FA2H: variants seen among roughly 807,000 people sequenced by gnomAD.
FA2H encodes fatty acid alpha-hydroxylase.
A neutral mutation model predicts 44.9 loss-of-function variants in FA2H; 22 were observed. That is an observed-to-expected ratio of 0.49 (90% CI 0.35 to 0.70). FA2H has a LOEUF of 0.70. Ranked by LOEUF, FA2H falls within the 30% of genes least tolerant of loss-of-function variation. The probability of loss-of-function intolerance (pLI) is 0.01; values close to 1 mark genes in which losing one functional copy is unlikely to be tolerated. For missense variants in FA2H, 501 were observed against 504.9 expected (o/e 0.99, Z 0.07); for synonymous variants, 243 against 213.2 (o/e 1.14, Z -1.22).
intron 2 of FA2H, among the ~76,000 whole-genome samples, chr16:74,729,004 ATTTTTTTTTTT>A (rs35360701): frequency 2.6e-5 from 1 of 38,992 alleles, no homozygotes; most frequent in East Asian, 5.7e-4. Context: ...GATGGTCTTG[ATTTTTTTTTTT>A]TTTTTTTTTT....
chr16:74,718,979 C>G lies in FA2H; in HGVS notation c.786+9G>C. On this transcript the variant is annotated intron_variant, in intron 5 of 6. Transcript: ENST00000219368. ...TGCTAGGTCCGGGCTGGGACCCCGC[C>G]CCGCTCACCTTGTGGTGCTGGCCGT... 1 of 1,613,284 alleles carries G rather than the reference C, an allele frequency of 6.2e-7. No individual in the cohort carries two copies. The highest frequency in any genetic ancestry group is 1.3e-5 in the African/African-American group (1 of 75,050).
rs564704421 is a variant in FA2H at position 74,739,332 on chromosome 16, C to T, written c.363+691G>A. ...TAAGCTGGAAGGAAATGGCACCAAG[C>T]CCAGCTCCCTCCAGTGACCCCCTCC... is the stretch of plus-strand genomic sequence containing the variant. On this transcript the variant is annotated intron_variant, in intron 2 of 6. Transcript: ENST00000219368. Among the ~76,000 whole-genome samples the T allele has an allele frequency of 5.3e-5, 8 of 152,238 alleles. No individual in the cohort carries two copies. The East Asian group carries it at 1.5e-3, about 29-fold the overall frequency.
At chr16:74,765,512 C>G (rs150301432) in intron 1 of FA2H, among the ~76,000 whole-genome samples, 1 of 152,226 alleles carries the variant, frequency 6.6e-6, no homozygotes, top group Non-Finnish European at 1.5e-5. Flanking sequence ...CAATTATGCA[C>G]GTACCTCAGT....
At chr16:74,716,860 G>C (rs895742317) in intron 5 of FA2H, 8 of 516,188 alleles carry the variant, frequency 1.5e-5, no homozygotes, top group African/African-American at 1.5e-4. Flanking sequence ...GGCAGGATGG[G>C]CAGGATGGGT....
At chr16:74,728,133 G>C (rs1010145144) in intron 2 of FA2H, among the ~76,000 whole-genome samples, 4 of 152,134 alleles carry the variant, frequency 2.6e-5, no homozygotes, top group African/African-American at 9.7e-5. Context: ...GCTATAAAAT[G>C]GAAGTAATTG....
At chr16:74,753,314 G>A (rs556253843) in intron 1 of FA2H, among the ~76,000 whole-genome samples, 9 of 152,308 alleles carry the variant, frequency 5.9e-5, no homozygotes, top group South Asian at 2.1e-4. Flanking sequence ...TGGGCTGCCC[G>A]GTCAGTGTCC....
chr16:74,715,642 G>A (rs1317790062), intron 6 of FA2H, among the ~76,000 whole-genome samples: 1 of 152,084 alleles, frequency 6.6e-6, no homozygotes, highest in African/African-American at 2.4e-5. Context: ...ATTTGCTTAT[G>A]TTAAGTAAAT....
intron 2 of FA2H, among the ~76,000 whole-genome samples, chr16:74,730,300 C>G (rs1178401034): frequency 6.6e-6 from 1 of 152,088 alleles, no homozygotes; most frequent in Non-Finnish European, 1.5e-5. Context: ...GGCTGCCTTC[C>G]TGTGGCAGGG....
At chr16:74,774,459 G>A (rs1466202475) in intron 1 of FA2H, 27 bp downstream of exon 1, 2 of 1,499,534 alleles carry the variant, frequency 1.3e-6, no homozygotes, top group East Asian at 2.6e-5. Flanking sequence ...GCCTGGGTTG[G>A]GGTGGGGGGC....
chr16:74,724,345 C>T (rs922279336), intron 4 of FA2H, among the ~76,000 whole-genome samples: 25 of 152,234 alleles, frequency 1.6e-4, no homozygotes, highest in African/African-American at 4.8e-4. Context: ...CTCGCTCTAA[C>T]GTGCTCTCAG....
At chr16:74,765,564 T>C (rs559744331) in intron 1 of FA2H, among the ~76,000 whole-genome samples, 11 of 152,340 alleles carry the variant, frequency 7.2e-5, no homozygotes, top group Admixed American at 2.0e-4. Flanking sequence ...AACATTTATT[T>C]ATTCATTCAT....
intron 2 of FA2H, among the ~76,000 whole-genome samples, chr16:74,732,912 G>A (rs1962102345): frequency 1.3e-5 from 2 of 152,224 alleles, no homozygotes; most frequent in Admixed American, 1.3e-4. Context: ...GTTTACAGGT[G>A]TGGTGGGAAC....
intron 2 of FA2H, among the ~76,000 whole-genome samples, chr16:74,737,754 C>A (rs892276682): frequency 2.6e-5 from 4 of 151,064 alleles, no homozygotes; most frequent in African/African-American, 9.8e-5. Context: ...GTGTGCAAAC[C>A]CACCCCAGGC....
In FA2H at chr16:74,716,513, G is replaced by T. The variant is rs2144601795; in HGVS notation, c.873C>A (p.Ile291=). The T allele has an allele frequency of 1.2e-6, 2 of 1,613,382 alleles. No individual in the cohort carries two copies. The highest frequency in any genetic ancestry group is 1.7e-4 in the Middle Eastern group (1 of 6,060). Reference sequence around the variant, plus strand: ...CAGTGCCCCCTACTGCCTCGGGCAGGATGAGCTGCATGCACAAGTAGAAGA... The same window carrying T: ...CAGTGCCCCCTACTGCCTCGGGCAGTATGAGCTGCATGCACAAGTAGAAGA... ...IGVFYLCMQL[I]LPEAVGGTVF... The change falls in exon 6 of 7, where the codon ATC becomes ATA. Residue 291 remains isoleucine, a synonymous_variant. Transcript: ENST00000219368.
chr16:74,762,450 T>G (rs1962731970), intron 1 of FA2H, among the ~76,000 whole-genome samples: 1 of 152,354 alleles, frequency 6.6e-6, no homozygotes, highest in Admixed American at 6.5e-5. Flanking sequence ...TAAGTCCTTT[T>G]CAGTTTCTTT....
intron 4 of FA2H, 56 bp from the exon 5 acceptor site, chr16:74,719,216 C>G: frequency 1.3e-6 from 2 of 1,514,196 alleles, no homozygotes; most frequent in Non-Finnish European, 1.8e-6. Context: ...CCTGGTAGCT[C>G]CAGGTGTCCC....
chr16:74,748,860 C>G (rs903926701), intron 1 of FA2H, among the ~76,000 whole-genome samples: 2 of 152,202 alleles, frequency 1.3e-5, no homozygotes, highest in Non-Finnish European at 2.9e-5. Flanking sequence ...GGCCTTTTAT[C>G]CCATAGCCTG....
At chr16:74,749,962 T>G (rs1241220283) in intron 1 of FA2H, among the ~76,000 whole-genome samples, 3 of 152,180 alleles carry the variant, frequency 2.0e-5, no homozygotes, top group Non-Finnish European at 4.4e-5. Flanking sequence ...CGGCCAGAGC[T>G]TGTCAGGGTA....
chr16:74,761,070 G>A (rs1213297021), intron 1 of FA2H, among the ~76,000 whole-genome samples: 1 of 152,108 alleles, frequency 6.6e-6, no homozygotes, highest in Admixed American at 6.6e-5. Context: ...GTTTACCTGT[G>A]TAACAAACCT....
Sources: allele counts gnomAD v4.1 joint callset (sites outside exome capture counted in the v4.1 genomes callset), GRCh38; gene constraint gnomAD v4.1.1; transcripts MANE v1.5; gene names NCBI Gene and HGNC (gene_info 2026-07-23, HGNC 2026-07-21).